IGF2BP1: variants seen among roughly 807,000 people sequenced by gnomAD.
IGF2BP1 encodes the protein insulin like growth factor 2 mRNA binding protein 1.
IGF2BP1 carries 11 observed loss-of-function variants against 74.9 expected under a neutral mutation model. The observed-to-expected ratio is 0.15, with a 90% CI of 0.09 to 0.24. IGF2BP1 has a LOEUF of 0.24. IGF2BP1 is among the 10% of genes least tolerant of loss of function. The probability of loss-of-function intolerance (pLI) is 1.00; values close to 1 mark genes in which losing one functional copy is unlikely to be tolerated. For synonymous variants in IGF2BP1, 287 were observed against 281.8 expected (o/e 1.02, Z -0.18); for missense variants, 440 against 757.4 (o/e 0.58, Z 4.92).
intron 2 of IGF2BP1, among the ~76,000 whole-genome samples, chr17:49,005,708 G>A (rs111696661): frequency 2.6e-5 from 4 of 152,202 alleles, no homozygotes; most frequent in Non-Finnish European, 4.4e-5. Context: ...TGAAAAGAAG[G>A]TTAAGGAGAA....
At chr17:49,036,109 T>G (rs1042689253) in intron 5 of IGF2BP1, among the ~76,000 whole-genome samples, 1 of 147,006 alleles carries the variant, frequency 6.8e-6, no homozygotes, top group African/African-American at 2.5e-5. Flanking sequence ...CGGGGTTGAC[T>G]GGAAGCGACC....
chr17:49,001,126 AAAAG>A (rs2041483715), intron 2 of IGF2BP1, among the ~76,000 whole-genome samples: 1 of 152,090 alleles, frequency 6.6e-6, no homozygotes, highest in Non-Finnish European at 1.5e-5. Context: ...CAAGATTTAA[AAAAG>A]AAAGTTTGTT....
intron 14 of IGF2BP1, among the ~76,000 whole-genome samples, chr17:49,047,714 CTTTT>C (rs34788963): frequency 9.4e-5 from 13 of 137,786 alleles, no homozygotes; most frequent in Admixed American, 1.5e-4. Context: ...TCAACTTCCT[CTTTT>C]TTTTTTTTTT....
At chr17:49,036,133 G>A (rs915493287) in intron 5 of IGF2BP1, among the ~76,000 whole-genome samples, 2 of 152,152 alleles carry the variant, frequency 1.3e-5, no homozygotes, top group African/African-American at 2.4e-5. Context: ...ATAGCGCTTG[G>A]CAAGTATATA....
intron 2 of IGF2BP1, among the ~76,000 whole-genome samples, chr17:49,020,791 A>ATT (rs1318920077): frequency 6.6e-6 from 1 of 152,078 alleles, no homozygotes; most frequent in African/African-American, 2.4e-5. Context: ...TTGAAAAGTG[A>ATT]TTATTTGGCA....
chr17:49,046,419 G>T, intron 14 of IGF2BP1, 46 bp downstream of exon 14: 4 of 1,433,512 alleles, frequency 2.8e-6, no homozygotes, highest in Non-Finnish European at 2.9e-6. Context: ...AGGAGCCCAG[G>T]GAGCAGAGAA....
rs771183397 is a variant in IGF2BP1 at position 49,025,655 on chromosome 17, C to G, written c.274C>G (p.Leu92Val). Reference sequence around the variant, plus strand: ...TCAAATCCGAAATATTCCACCCCAGCTCCGATGGGAAGTAAGTGTTTGGGG... The same window carrying G: ...TCAAATCCGAAATATTCCACCCCAGGTCCGATGGGAAGTAAGTGTTTGGGG... ...KIQIRNIPPQLRWEVLDSLLA... is the reference protein window; with the variant it reads ...KIQIRNIPPQVRWEVLDSLLA... The change falls in exon 3 of 15, where the codon CTC (leucine) becomes GTC (valine). Residue 92 changes from leucine (L) to valine (V), a missense_variant. Transcript: ENST00000290341. The G allele has an allele frequency of 6.2e-7, 1 of 1,612,244 alleles. No homozygotes were observed.
intron 2 of IGF2BP1, among the ~76,000 whole-genome samples, chr17:49,007,551 T>A (rs2041564797): frequency 6.6e-6 from 1 of 152,206 alleles, no homozygotes; most frequent in Non-Finnish European, 1.5e-5. Context: ...TGGTTTTCAG[T>A]CTTTTAACAG....
chr17:49,038,063 T>G, intron 5 of IGF2BP1, 105 bp from the exon 6 acceptor site: 2 of 1,043,956 alleles, frequency 1.9e-6, no homozygotes, highest in African/African-American at 3.3e-5. Flanking sequence ...CTCCTTTTCT[T>G]TAGTGTGTTC....
At chr17:49,011,171 AC>A (rs2041615725) in intron 2 of IGF2BP1, among the ~76,000 whole-genome samples, 3 of 144,438 alleles carry the variant, frequency 2.1e-5, no homozygotes, top group Non-Finnish European at 4.6e-5. Flanking sequence ...AAAAAAACAA[AC>A]CCTAAAAAAA....
Position 49,026,392 on chromosome 17 carries a change from A to G in IGF2BP1, c.286-74A>G, listed in dbSNP as rs1477757408. On this transcript the variant is annotated intron_variant, in intron 3 of 14. Coordinates refer to ENST00000290341, the MANE Select transcript of IGF2BP1 (RefSeq NM_006546.4). ...TCAATGCCCGATTGCTTTGGGATGC[A>G]GGGTGTCCAGTGGCTGCTTTGCAAG... 4 of 1,315,348 alleles carry G rather than the reference A, an allele frequency of 3.0e-6. No individual in the cohort carries two copies. The South Asian group carries it at 3.5e-5, about 12-fold the overall frequency. The allele number at this position is 1,315,348 out of a possible 1,614,324, so 81.5% of individuals were successfully genotyped here. A position where few individuals can be genotyped will look rare whatever the true frequency, so the allele number is the denominator to read the frequency against.
chr17:49,000,224 A>G (rs1022433363), intron 2 of IGF2BP1, among the ~76,000 whole-genome samples: 1 of 151,964 alleles, frequency 6.6e-6, no homozygotes, highest in South Asian at 2.1e-4. Flanking sequence ...CTCACCCCCC[A>G]TTTCAGCTGA....
chr17:49,011,904 A>ATTT (rs68074534), intron 2 of IGF2BP1, among the ~76,000 whole-genome samples: 2,862 of 124,498 alleles, frequency 0.023, 82 homozygotes, highest in African/African-American at 0.035. Flanking sequence ...AAGAAAATTG[A>ATTT]TTTTTTTTTT....
chr17:49,045,792 G>C, intron 12 of IGF2BP1, 98 bp from the exon 13 acceptor site: 2 of 1,357,022 alleles, frequency 1.5e-6, no homozygotes, highest in Admixed American at 2.2e-5. Flanking sequence ...GGGAGGGCCT[G>C]TGGGCCAGAA....
intron 2 of IGF2BP1, among the ~76,000 whole-genome samples, chr17:49,016,312 G>A (rs1305379697): frequency 6.6e-6 from 1 of 152,234 alleles, no homozygotes; most frequent in Non-Finnish European, 1.5e-5. Flanking sequence ...TCAGGCTTCA[G>A]AGGCTTACCC....
intron 4 of IGF2BP1, among the ~76,000 whole-genome samples, chr17:49,027,678 C>T (rs1419022730): frequency 3.0e-4 from 46 of 151,488 alleles, no homozygotes; most frequent in South Asian, 2.1e-4. Context: ...CGGTGAAACC[C>T]TGTCTCTACT....
chr17:49,044,188 T>A, intron 11 of IGF2BP1, 102 bp downstream of exon 11: 1 of 1,469,406 alleles, frequency 6.8e-7, no homozygotes, highest in Admixed American at 2.1e-5. Flanking sequence ...TTGAGAATTC[T>A]GTGTGTCATA....
intron 2 of IGF2BP1, 80 bp from the exon 3 acceptor site, chr17:49,025,538 G>A: frequency 8.3e-7 from 1 of 1,200,540 alleles, no homozygotes; most frequent in South Asian, 1.3e-5. Flanking sequence ...AGAAACTGGG[G>A]CAAGGATTAG....
At position 49,055,480 on chromosome 17, in the gene IGF2BP1, T is replaced by G; in HGVS notation, c.*6036T>G. 1.0e-5 allele frequency: 4 copies of G among 383,462 alleles called. No homozygotes were observed. Among genetic ancestry groups the G allele is most frequent in the Non-Finnish European group, 9.2e-6 (2 of 216,970 alleles). 23.8% of individuals were successfully genotyped at this position (383,462 alleles called of 1,614,324 possible). A position where few individuals can be genotyped will look rare whatever the true frequency, so the allele number is the denominator to read the frequency against. On this transcript the variant is annotated 3_prime_UTR_variant, in exon 15 of 15. Transcript: ENST00000290341. ...GCTCCCCCAGGAATAAAGGCTTTGT[T>G]TTGGGGATGCTTAAATCTTGACTGG...
Sources: gnomAD v4.1 joint callset for allele counts (sites outside exome capture counted in the v4.1 genomes callset) on GRCh38, gnomAD v4.1.1 for gene constraint, MANE v1.5 for transcripts, NCBI Gene and HGNC (gene_info 2026-07-23, HGNC 2026-07-21) for gene names.